HMX2: variants seen among roughly 807,000 people sequenced by gnomAD.
The protein encoded by HMX2 is homeobox protein HMX2.
In HMX2, 15 loss-of-function variants were observed where a neutral mutation model predicts 21.2. That is an observed-to-expected ratio of 0.71 (90% CI 0.47 to 1.09). The LOEUF (loss-of-function observed/expected upper bound fraction) is 1.09, where lower values mean the gene tolerates loss of function less well. Ranked by LOEUF, HMX2 falls within the 50% of genes least tolerant of loss-of-function variation. The pLI, the probability that HMX2 is intolerant of heterozygous loss-of-function variation, is 0.00. For synonymous variants in HMX2, 193 were observed against 181.0 expected, an observed-to-expected ratio of 1.07 and a Z score of -0.53; for missense variants, 440 against 381.5, an observed-to-expected ratio of 1.15 and a Z score of -1.28.
rs932622257 is a variant in HMX2 at position 123,150,008 on chromosome 10, C to T, written c.707C>T (p.Ser236Leu). Residue 236 changes from serine to leucine, a missense_variant, in exon 2 of 2, where the codon TCG becomes TTG. Physicochemically the swap from Ser to Leu is moderately radical, Grantham distance 145. Transcript: ENST00000339992. The surrounding 1 kb of genome is among the most constrained non-coding windows in gnomAD (Gnocchi z 4.2). ...ATGCCGCTGGTGTTCCGGGACAGTT[C>T]GCTGCTGCGCGTGCCGGTGCCGCGC... The part of the protein sequence containing the change: ...VSMPLVFRDS[S>L]LLRVPVPRSL... 1.1e-5 allele frequency: 17 copies of T among 1,609,536 alleles called. No individual in the cohort carries two copies. The highest frequency in any genetic ancestry group is 2.2e-5 in the East Asian group (1 of 44,736).
Position 123,149,762 on chromosome 10 carries a change from C to G in HMX2, c.461C>G (p.Thr154Ser). ...QAGAAKKKTRTVFSRSQVYQL... is the reference protein window; with the variant it reads ...QAGAAKKKTRSVFSRSQVYQL... Reference sequence around the variant, plus strand: ...GGCGCGGCCAAGAAGAAGACGCGCACCGTCTTTTCGCGCAGCCAGGTGTAC... The same window carrying G: ...GGCGCGGCCAAGAAGAAGACGCGCAGCGTCTTTTCGCGCAGCCAGGTGTAC... The change falls in exon 2 of 2, where the codon ACC (threonine) becomes AGC (serine). Residue 154 changes from threonine (T) to serine (S), a missense_variant. Coordinates refer to ENST00000339992, the MANE Select transcript of HMX2 (RefSeq NM_005519.2). The surrounding 1 kb of genome is among the most constrained non-coding windows in gnomAD (Gnocchi z 5.4). The G allele has an allele frequency of 6.3e-7, 1 of 1,589,620 alleles. No individual in the cohort carries two copies. The highest frequency in any genetic ancestry group is 8.6e-7 in the Non-Finnish European group (1 of 1,168,332).
At position 123,149,513 on chromosome 10, in the gene HMX2, G is replaced by A. The variant is rs1844243536; in HGVS notation, c.269-57G>A. 3 of 1,364,086 alleles carry A rather than the reference G, an allele frequency of 2.2e-6. No individual in the cohort carries two copies. Among genetic ancestry groups the A allele is most frequent in the Non-Finnish European group, 2.9e-6 (3 of 1,044,632 alleles). 84.5% of individuals were successfully genotyped at this position (1,364,086 alleles called of 1,614,324 possible). ...CCGCTTGGTCCCAGGGAGAGCTGGC[G>A]GTCTCCGAGGCTCCCCAACCAACTC... On this transcript the variant is annotated intron_variant, in intron 1 of 1. Transcript: ENST00000339992. The surrounding 1 kb of genome is among the most constrained non-coding windows in gnomAD (Gnocchi z 5.4).
At position 123,150,438 on chromosome 10, in the gene HMX2, G is replaced by A. The variant is rs1844259978; in HGVS notation, c.*315G>A. 4.1e-6 allele frequency: 1 copy of A among 245,758 alleles called. No individual in the cohort carries two copies. Among genetic ancestry groups the A allele is most frequent in the East Asian group, 8.4e-5 (1 of 11,864 alleles). The allele number at this position is 245,758 out of a possible 1,614,324, so 15.2% of individuals were successfully genotyped here. On this transcript the variant is annotated 3_prime_UTR_variant, in exon 2 of 2. Coordinates refer to ENST00000339992, the MANE Select transcript of HMX2 (RefSeq NM_005519.2). The surrounding 1 kb of genome is among the most constrained non-coding windows in gnomAD (Gnocchi z 4.2). ...TTGGCCAGACAGGCTGTGGTTGGTA[G>A]GGAAAAAAATCAGGAAAACACCTAC...
chr10:123,148,418 G>A lies in HMX2; in HGVS notation c.40G>A (p.Ala14Thr). The A allele has an allele frequency of 6.2e-7, 1 of 1,613,146 alleles. No individual in the cohort carries two copies. The highest frequency in any genetic ancestry group is 8.5e-7 in the Non-Finnish European group (1 of 1,179,630). The part of the protein sequence containing the change: ...KEDAGKGCPA[A>T]GGVSSFTIQS... The stretch of plus-strand genomic sequence containing the variant: ...AGATGCGGGCAAGGGGTGTCCGGCG[G>A]CCGGTGGCGTCTCCAGCTTCACCAT... Residue 14 changes from alanine to threonine, a missense_variant, in exon 1 of 2, where the codon GCC becomes ACC. Coordinates refer to ENST00000339992, the MANE Select transcript of HMX2 (RefSeq NM_005519.2).
rs984313489 is a variant in HMX2, at chr10:123,148,345, T to C, written c.-34T>C. The C allele has an allele frequency of 3.1e-6, 5 of 1,606,352 alleles. No homozygotes were observed. In the African/African-American group the frequency reaches 6.7e-5, roughly 22 times the overall value. ...TCACCCAGATCGTCTCTAAAGGGAG[T>C]TCTTGGTTTCCTTCGATTTCTTATG... On this transcript the variant is annotated 5_prime_UTR_variant, in exon 1 of 2. Coordinates refer to ENST00000339992, the MANE Select transcript of HMX2 (RefSeq NM_005519.2).
In HMX2 at chr10:123,149,436, G is replaced by A. The variant is rs1844242578; in HGVS notation, c.269-134G>A. The A allele has an allele frequency of 1.6e-6, 1 of 636,302 alleles. No individual in the cohort carries two copies. Among genetic ancestry groups the A allele is most frequent in the Non-Finnish European group, 2.4e-6 (1 of 410,126 alleles). 39.4% of individuals were successfully genotyped at this position (636,302 alleles called of 1,614,324 possible). ...CTGGGTTTGGGGGGCCAGTGAGAGG[G>A]ATAAGAGGAGGGGATTGGTAAGGTG... On this transcript the variant is annotated intron_variant, in intron 1 of 1. Transcript: ENST00000339992. The surrounding 1 kb of genome is among the most constrained non-coding windows in gnomAD (Gnocchi z 5.4).
chr10:123,149,149 T>C lies in HMX2; in HGVS notation c.269-421T>C, dbSNP rs1166000543. Among the ~76,000 whole-genome samples, 1 of 152,076 alleles carries C rather than the reference T, an allele frequency of 6.6e-6. No homozygotes were observed. Among genetic ancestry groups the C allele is most frequent in the Non-Finnish European group, 1.5e-5 (1 of 67,974 alleles). ...TCAGAGACGGTTCCTCTTTACAACA[T>C]TTGACGAAGGGGAGTCCTGCGTTAG... On this transcript the variant is annotated intron_variant, in intron 1 of 1. Transcript: ENST00000339992. This position sits in a 1 kb window ranked among gnomAD's most constrained non-coding sequence, Gnocchi z 5.4.
chr10:123,149,772 G>A lies in HMX2; in HGVS notation c.471G>A (p.Ser157=). Residue 157 remains serine (S), a synonymous_variant, in exon 2 of 2, where the codon TCG becomes TCA. Coordinates refer to ENST00000339992, the MANE Select transcript of HMX2 (RefSeq NM_005519.2). The surrounding 1 kb of genome is among the most constrained non-coding windows in gnomAD (Gnocchi z 5.4). Reference sequence around the variant, plus strand: ...AGAAGAAGACGCGCACCGTCTTTTCGCGCAGCCAGGTGTACCAGCTCGAGT... The same window carrying A: ...AGAAGAAGACGCGCACCGTCTTTTCACGCAGCCAGGTGTACCAGCTCGAGT... The part of the protein sequence containing the change: ...AAKKKTRTVF[S]RSQVYQLEST... 3 of 1,595,556 alleles carry A rather than the reference G, an allele frequency of 1.9e-6. No individual in the cohort carries two copies. The highest frequency in any genetic ancestry group is 2.6e-6 in the Non-Finnish European group (3 of 1,170,870).
chr10:123,150,317 T>TA lies in HMX2; in HGVS notation c.*196dup, dbSNP rs1377869756. ...GTTTCGGGTATTTATTGGCATTCCC[T>TA]AAGTCAGAGAGCCTGCTTCCTACCT... On this transcript the variant is annotated 3_prime_UTR_variant, in exon 2 of 2. Transcript: ENST00000339992. The surrounding 1 kb of genome is among the most constrained non-coding windows in gnomAD (Gnocchi z 4.2). 2.0e-6 allele frequency: 1 copy of TA among 510,748 alleles called. No individual in the cohort carries two copies. Among genetic ancestry groups the TA allele is most frequent in the Non-Finnish European group, 3.3e-6 (1 of 299,064 alleles). The allele number at this position is 510,748 out of a possible 1,614,324, so 31.6% of individuals were successfully genotyped here.
chr10:123,150,556 A>G lies in HMX2; in HGVS notation c.*433A>G, dbSNP rs1844261110. ...GCCAGGCCCTCAGAGGCTTTGGACA[A>G]TTACTAAATTGCTTCTTTTCGTTTC... is the stretch of plus-strand genomic sequence containing the variant. On this transcript the variant is annotated 3_prime_UTR_variant, in exon 2 of 2. Coordinates refer to ENST00000339992, the MANE Select transcript of HMX2 (RefSeq NM_005519.2). The surrounding 1 kb of genome is among the most constrained non-coding windows in gnomAD (Gnocchi z 4.2). The G allele has an allele frequency of 6.4e-6, 1 of 156,536 alleles. No homozygotes were observed. Among genetic ancestry groups the G allele is most frequent in the South Asian group, 2.1e-4 (1 of 4,874 alleles). 9.7% of individuals were successfully genotyped at this position (156,536 alleles called of 1,614,324 possible).
Position 123,149,943 on chromosome 10 carries a change from G to T in HMX2, c.642G>T (p.Ala214=), listed in dbSNP as rs959024879. 6.2e-7 allele frequency: 1 copy of T among 1,611,928 alleles called. No individual in the cohort carries two copies. Among genetic ancestry groups the T allele is most frequent in the African/African-American group, 1.3e-5 (1 of 74,904 alleles). ...GGCAGCTCTCGGCTGAGCTGGAGGCGGCCAACATGGCGCACGCGTCGGCGC... is the reference window on the plus strand; with the variant it reads ...GGCAGCTCTCGGCTGAGCTGGAGGCTGCCAACATGGCGCACGCGTCGGCGC... The part of the protein sequence containing the change: ...WKRQLSAELE[A]ANMAHASAQT... The change falls in exon 2 of 2, where the codon GCG becomes GCT. Residue 214 remains alanine (A), a synonymous_variant. Transcript: ENST00000339992. The surrounding 1 kb of genome is among the most constrained non-coding windows in gnomAD (Gnocchi z 5.4).
Position 123,149,676 on chromosome 10 carries a change from C to G in HMX2, c.375C>G (p.Pro125=), listed in dbSNP as rs539639736. The G allele has an allele frequency of 1.4e-4, 220 of 1,563,056 alleles. 2 individuals are homozygous for G. In the East Asian group the frequency reaches 4.6e-3, roughly 33 times the overall value. The change falls in exon 2 of 2, where the codon CCC becomes CCG. Residue 125 remains proline, a synonymous_variant. Transcript: ENST00000339992. This position sits in a 1 kb window ranked among gnomAD's most constrained non-coding sequence, Gnocchi z 5.4. ...AAGAAGAGAAAGAGAGGCTCCTGCC[C>G]GCGGGCTCGCCCTCGCCGGGGTCCG... ...DFKEEKERLL[P]AGSPSPGSER...
chr10:123,150,052 C>T lies in HMX2; in HGVS notation c.751C>T (p.Pro251Ser). 1 of 1,603,426 alleles carries T rather than the reference C, an allele frequency of 6.2e-7. No homozygotes were observed. The highest frequency in any genetic ancestry group is 1.1e-5 in the South Asian group (1 of 90,452). ...PVPRSLAFPA[P>S]LYYPGSNLSA... ...GCCGCGCTCGCTCGCCTTTCCCGCG[C>T]CGCTCTACTACCCGGGAAGCAACCT... is the stretch of plus-strand genomic sequence containing the variant. Residue 251 changes from proline (P) to serine (S), a missense_variant, in exon 2 of 2, where the codon CCG (proline) becomes TCG (serine). Pro to Ser is a moderately conservative substitution (Grantham distance 74). Coordinates refer to ENST00000339992, the MANE Select transcript of HMX2 (RefSeq NM_005519.2). The surrounding 1 kb of genome is among the most constrained non-coding windows in gnomAD (Gnocchi z 4.2).
chr10:123,148,859 TC>T (rs139423537), intron 1 of HMX2, among the ~76,000 whole-genome samples: 16,446 of 152,172 alleles, frequency 0.11, 920 homozygotes, highest in African/African-American at 0.12. Flanking sequence ...GGCTTGGGCT[TC>T]CTGGGGAAGG....
Position 123,148,443 on chromosome 10 carries a change from T to G in HMX2, c.65T>G (p.Ile22Ser). 8 of 1,613,310 alleles carry G rather than the reference T, an allele frequency of 5.0e-6. No individual in the cohort carries two copies. The highest frequency in any genetic ancestry group is 6.8e-6 in the Non-Finnish European group (8 of 1,179,688). The change falls in exon 1 of 2, where the codon ATC (isoleucine) becomes AGC (serine). Residue 22 changes from isoleucine to serine, a missense_variant. Ile to Ser is a moderately radical substitution (Grantham distance 142, BLOSUM62 -2). Coordinates refer to ENST00000339992, the MANE Select transcript of HMX2 (RefSeq NM_005519.2). ...GCCGGTGGCGTCTCCAGCTTCACCA[T>G]CCAGTCCATCCTGGGCGGGGGCCCC... ...PAAGGVSSFT[I>S]QSILGGGPSE...
chr10:123,149,808 C>A lies in HMX2; in HGVS notation c.507C>A (p.Asp169Glu). ...SQVYQLESTFDMKRYLSSSER... is the reference protein window; with the variant it reads ...SQVYQLESTFEMKRYLSSSER... ...TGTACCAGCTCGAGTCCACCTTCGA[C>A]ATGAAGCGCTACCTGAGCAGCTCGG... The change falls in exon 2 of 2, where the codon GAC (aspartate) becomes GAA (glutamate). Residue 169 changes from aspartate (D) to glutamate (E), a missense_variant. Transcript: ENST00000339992. This position sits in a 1 kb window ranked among gnomAD's most constrained non-coding sequence, Gnocchi z 5.4. 6.2e-7 allele frequency: 1 copy of A among 1,611,880 alleles called. No homozygotes were observed. Among genetic ancestry groups the A allele is most frequent in the Non-Finnish European group, 8.5e-7 (1 of 1,179,342 alleles).
Position 123,149,735 on chromosome 10 carries a change from C to T in HMX2, c.434C>T (p.Ala145Val), listed in dbSNP as rs1844248387. 6.5e-7 allele frequency: 1 copy of T among 1,531,162 alleles called. No homozygotes were observed. The highest frequency in any genetic ancestry group is 2.1e-5 in the Admixed American group (1 of 47,264). The allele number at this position is 1,531,162 out of a possible 1,614,324, so 94.8% of individuals were successfully genotyped here. A position where few individuals can be genotyped will look rare whatever the true frequency, so the allele number is the denominator to read the frequency against. ...CGGGACGGCGGCGCTGAGCGGCAGG[C>T]CGGCGCGGCCAAGAAGAAGACGCGC... ...RPRDGGAERQAGAAKKKTRTV... is the reference protein window; with the variant it reads ...RPRDGGAERQVGAAKKKTRTV... Residue 145 changes from alanine to valine, a missense_variant, in exon 2 of 2, where the codon GCC becomes GTC. Physicochemically the swap from Ala to Val is moderately conservative, Grantham distance 64. Transcript: ENST00000339992. This position sits in a 1 kb window ranked among gnomAD's most constrained non-coding sequence, Gnocchi z 5.4.
chr10:123,148,294 G>C lies in HMX2; in HGVS notation c.-85G>C, dbSNP rs1844221407. On this transcript the variant is annotated 5_prime_UTR_variant, in exon 1 of 2. Transcript: ENST00000339992. ...TCCTCCCCGCCCCTCCCCACTGCCT[G>C]CCTGCTGCACCACCTTCCACCCAGA... 1 of 1,413,372 alleles carries C rather than the reference G, an allele frequency of 7.1e-7. No individual in the cohort carries two copies. Among genetic ancestry groups the C allele is most frequent in the African/African-American group, 1.5e-5 (1 of 67,942 alleles). The allele number at this position is 1,413,372 out of a possible 1,614,324, so 87.6% of individuals were successfully genotyped here. A position where few individuals can be genotyped will look rare whatever the true frequency, so the allele number is the denominator to read the frequency against.
chr10:123,149,454 G>C lies in HMX2; in HGVS notation c.269-116G>C. ...TGAGAGGGATAAGAGGAGGGGATTGGTAAGGTGGGACCAAGGCTGCAGGCG... is the reference window on the plus strand; with the variant it reads ...TGAGAGGGATAAGAGGAGGGGATTGCTAAGGTGGGACCAAGGCTGCAGGCG... On this transcript the variant is annotated intron_variant, in intron 1 of 1. Transcript: ENST00000339992. This position sits in a 1 kb window ranked among gnomAD's most constrained non-coding sequence, Gnocchi z 5.4. 1.3e-6 allele frequency: 1 copy of C among 797,216 alleles called. No homozygotes were observed. Among genetic ancestry groups the C allele is most frequent in the Non-Finnish European group, 1.8e-6 (1 of 544,974 alleles). The allele number at this position is 797,216 out of a possible 1,614,324, so 49.4% of individuals were successfully genotyped here.
Sources: gnomAD v4.1 joint callset for allele counts (sites outside exome capture counted in the v4.1 genomes callset) on GRCh38, gnomAD v4.1.1 for gene constraint, Gnocchi (gnomAD v3.1) non-coding constraint, MANE v1.5 for transcripts, NCBI Gene and HGNC (gene_info 2026-07-23, HGNC 2026-07-21) for gene names.